The following SDSL variants were observed in gnomAD, a reference collection of about 807,000 sequenced individuals.
The protein encoded by SDSL is serine dehydratase-like.
A neutral mutation model predicts 27.6 loss-of-function variants in SDSL; 26 were observed. That is an observed-to-expected ratio of 0.94 (90% CI 0.69 to 1.31). The LOEUF (loss-of-function observed/expected upper bound fraction) is 1.31. Ranked by LOEUF, SDSL falls within the 50% of genes most tolerant of loss-of-function variation. The pLI, the probability that SDSL is intolerant of heterozygous loss-of-function variation, is 0.00. For synonymous variants in SDSL, 196 were observed against 180.6 expected, an observed-to-expected ratio of 1.09 and a Z score of -0.69; for missense variants, 431 against 423.5, an observed-to-expected ratio of 1.02 and a Z score of -0.16.
At chr12:113,436,437 C>T (rs759823833) in intron 6 of SDSL, among the ~76,000 whole-genome samples, 3 of 152,086 alleles carry the variant, frequency 2.0e-5, no homozygotes, top group Non-Finnish European at 2.9e-5. Flanking sequence ...TACAGGCATG[C>T]ACCACCACAC....
rs778002654 is a variant in SDSL, at chr12:113,428,110, C to A, written c.128C>A (p.Pro43His). Residue 43 changes from proline to histidine, a missense_variant, in exon 2 of 8, where the codon CCC becomes CAC. By Grantham distance (77) the Pro-to-His change is moderately conservative. Transcript: ENST00000403593. The stretch of plus-strand genomic sequence containing the variant: ...TTCCTCAAGTGTGAGAATGTGCAGC[C>A]CAGCGGCTCCTTCAAGATTCGGGGC... ...PVFLKCENVQ[P>H]SGSFKIRGIG... 1 of 1,613,606 alleles carries A rather than the reference C, an allele frequency of 6.2e-7. No homozygotes were observed. Among genetic ancestry groups the A allele is most frequent in the African/African-American group, 1.3e-5 (1 of 75,044 alleles).
chr12:113,435,029 C>T (rs1593315426), intron 5 of SDSL, among the ~76,000 whole-genome samples: 2 of 152,128 alleles, frequency 1.3e-5, no homozygotes, highest in Admixed American at 6.5e-5. Flanking sequence ...GCAGGAGAAT[C>T]GCTTGAATCC....
chr12:113,433,439 A>G (rs1440720377), intron 4 of SDSL, among the ~76,000 whole-genome samples: 1 of 152,134 alleles, frequency 6.6e-6, no homozygotes, highest in East Asian at 1.9e-4. Context: ...CTTAGTTTGG[A>G]TTCTCCCAAA....
chr12:113,432,706 G>A (rs796974279), intron 4 of SDSL, among the ~76,000 whole-genome samples: 6 of 152,114 alleles, frequency 3.9e-5, no homozygotes, highest in Non-Finnish European at 7.4e-5. Flanking sequence ...AGTGTCTCTC[G>A]TTCCCATCTT....
At chr12:113,425,090 C>T (rs115680770) in intron 1 of SDSL, among the ~76,000 whole-genome samples, 2,653 of 152,222 alleles carry the variant, frequency 0.017, 66 homozygotes, top group African/African-American at 0.06. Flanking sequence ...CTGTTTTTAT[C>T]CCCATTTTAG....
intron 5 of SDSL, 96 bp from the exon 6 acceptor site, chr12:113,435,233 C>A: frequency 1.3e-6 from 1 of 779,482 alleles, no homozygotes; most frequent in Non-Finnish European, 2.0e-6. Flanking sequence ...TATGAGGGGG[C>A]AGAGAACCCA....
chr12:113,432,208 GCTTCTTTCTTTCTTTCTTT>G (rs1565878973), intron 4 of SDSL, among the ~76,000 whole-genome samples: 4 of 149,724 alleles, frequency 2.7e-5, no homozygotes, highest in East Asian at 2.0e-4. Flanking sequence ...TTGTTTGTTT[GCTTCTTTCTTTCTTTCTTT>G]CTTTCTTTCT....
At chr12:113,431,428 G>T (rs979554064) in intron 4 of SDSL, among the ~76,000 whole-genome samples, 1 of 152,122 alleles carries the variant, frequency 6.6e-6, no homozygotes. Context: ...AGCACTACAC[G>T]GTTTTGAATC....
chr12:113,437,788 G>A lies in SDSL; in HGVS notation c.797-98G>A, dbSNP rs1386381522. On this transcript the variant is annotated intron_variant, in intron 7 of 7. Coordinates refer to ENST00000403593, the MANE Select transcript of SDSL (RefSeq NM_001304993.2). ...GAGCAGATGAATGGCTGACTGGCTGGAGAGATGGCTGCAAGGATCTGCCGT... is the reference window on the plus strand; with the variant it reads ...GAGCAGATGAATGGCTGACTGGCTGAAGAGATGGCTGCAAGGATCTGCCGT... 9 of 1,090,160 alleles carry A rather than the reference G, an allele frequency of 8.3e-6. No individual in the cohort carries two copies. In the African/African-American group the frequency reaches 1.3e-4, roughly 15 times the overall value. 67.5% of individuals were successfully genotyped at this position (1,090,160 alleles called of 1,614,324 possible).
chr12:113,438,059 A>T lies in SDSL; in HGVS notation c.970A>T (p.Thr324Ser), dbSNP rs1958023617. The change falls in exon 8 of 8, where the codon ACC (threonine) becomes TCC (serine). Residue 324 changes from threonine to serine, a missense_variant. Transcript: ENST00000403593. ...INSRELQALK[T>S]HLGQV ...CAGCCGAGAGCTGCAGGCTTTGAAAACCCACCTGGGCCAGGTCTGAGGGGT... is the reference window on the plus strand; with the variant it reads ...CAGCCGAGAGCTGCAGGCTTTGAAATCCCACCTGGGCCAGGTCTGAGGGGT... 3.1e-6 allele frequency: 5 copies of T among 1,613,496 alleles called. No homozygotes were observed. The highest frequency in any genetic ancestry group is 4.2e-6 in the Non-Finnish European group (5 of 1,179,762).
At chr12:113,436,961 A>G in intron 7 of SDSL, 86 bp downstream of exon 7, 1 of 1,344,632 alleles carries the variant, frequency 7.4e-7, no homozygotes, top group South Asian at 1.6e-5. Context: ...TCTTATCTGT[A>G]TCCTCAGCAC....
intron 1 of SDSL, chr12:113,427,084 T>G (rs1240527767): frequency 6.6e-6 from 1 of 152,306 alleles, no homozygotes; most frequent in Non-Finnish European, 1.5e-5. Flanking sequence ...GACCATGAGT[T>G]GATTGCTGAA....
chr12:113,428,304 A>G (rs112655099), intron 2 of SDSL, 116 bp from the exon 3 acceptor site: 20,846 of 1,307,562 alleles, frequency 0.016, 207 homozygotes, highest in Middle Eastern at 0.024. Flanking sequence ...GGCTGTGGGC[A>G]GGATGAGGGG....
Position 113,429,274 on chromosome 12 carries a change from G to T in SDSL, c.329G>T (p.Gly110Val). The T allele has an allele frequency of 6.2e-7, 1 of 1,612,014 alleles. No individual in the cohort carries two copies. The highest frequency in any genetic ancestry group is 1.1e-5 in the South Asian group (1 of 90,968). The change falls in exon 4 of 8, where the codon GGG becomes GTG. Residue 110 changes from glycine (G) to valine (V), a missense_variant. Coordinates refer to ENST00000403593, the MANE Select transcript of SDSL (RefSeq NM_001304993.2). ...GTGGTGCAGAGGCTGCAGGGGGAGGGGGCCGAGGTTCAGCTGACTGGAAAG... is the reference window on the plus strand; with the variant it reads ...GTGGTGCAGAGGCTGCAGGGGGAGGTGGCCGAGGTTCAGCTGACTGGAAAG... ...LQVVQRLQGE[G>V]AEVQLTGKVW...
intron 4 of SDSL, among the ~76,000 whole-genome samples, chr12:113,433,916 T>G (rs1957961168): frequency 6.6e-6 from 1 of 152,180 alleles, no homozygotes; most frequent in Admixed American, 6.5e-5. Flanking sequence ...GACAGGTCGC[T>G]TGGGTATTGT....
At chr12:113,422,627 C>T (rs1957805228) in intron 1 of SDSL, 150 bp downstream of exon 1, 1 of 152,236 alleles carries the variant, frequency 6.6e-6, no homozygotes, top group South Asian at 2.1e-4. Flanking sequence ...TCTAGGCCCT[C>T]CTGGGAATGT....
chr12:113,436,703 C>G (rs1957999042), intron 6 of SDSL, 48 bp from the exon 7 acceptor site: 7 of 1,513,132 alleles, frequency 4.6e-6, no homozygotes, highest in Admixed American at 2.1e-5. Flanking sequence ...TTCACCAGCT[C>G]TTCCCTGAGC....
intron 5 of SDSL, among the ~76,000 whole-genome samples, chr12:113,434,465 C>T (rs995949664): frequency 2.6e-5 from 4 of 152,234 alleles, no homozygotes; most frequent in African/African-American, 7.2e-5. Flanking sequence ...TACCAAGTCT[C>T]CTTTACTGAA....
At chr12:113,434,461 G>T (rs1957966457) in intron 5 of SDSL, among the ~76,000 whole-genome samples, 1 of 152,246 alleles carries the variant, frequency 6.6e-6, no homozygotes, top group Non-Finnish European at 1.5e-5. Context: ...ATAGTACCAA[G>T]TCTCCTTTAC....
Sources: allele counts gnomAD v4.1 joint callset (sites outside exome capture counted in the v4.1 genomes callset), GRCh38; gene constraint gnomAD v4.1.1; transcripts MANE v1.5; gene names NCBI Gene and HGNC (gene_info 2026-07-23, HGNC 2026-07-21).